Variants in LMLN observed in about 807,000 individuals in gnomAD.
The protein encoded by LMLN is leishmanolysin like peptidase, also known as leishmanolysin-like peptidase.
A neutral mutation model predicts 92.3 loss-of-function variants in LMLN; 70 were observed. The ratio of observed to expected loss-of-function variants is 0.76; its 90% confidence interval spans 0.63 to 0.92. The LOEUF is 0.92. LMLN is among the 40% of genes least tolerant of loss of function. The pLI, the probability that LMLN is intolerant of heterozygous loss-of-function variation, is 0.00. For missense variants in LMLN, 691 were observed against 814.6 expected (o/e 0.85, Z 1.85); for synonymous variants, 308 against 296.2 (o/e 1.04, Z -0.41).
Position 197,995,006 on chromosome 3 carries a change from C to T in LMLN, c.1048-1169C>T, listed in dbSNP as rs373052367. 3.3e-5 allele frequency among the ~76,000 whole-genome samples: 5 copies of T among 152,254 alleles called. No homozygotes were observed. The South Asian group carries it at 1.0e-3, about 32-fold the overall frequency. ...AAGAAAGTGTGTTATACACAATTGACCCTTGAACAACATAGGTTGGAACTG... is the reference window on the plus strand; with the variant it reads ...AAGAAAGTGTGTTATACACAATTGATCCTTGAACAACATAGGTTGGAACTG... On this transcript the variant is annotated intron_variant, in intron 9 of 15. Transcript: ENST00000330198.
chr3:197,987,574 A>G (rs1224030842), intron 8 of LMLN, among the ~76,000 whole-genome samples: 2 of 152,110 alleles, frequency 1.3e-5, no homozygotes, highest in African/African-American at 4.8e-5. Flanking sequence ...AATAAGCCAG[A>G]AAAAAAATGA....
chr3:198,041,269 A>G (rs1368634585), exon 16 of LMLN: 1 of 152,224 alleles, frequency 6.6e-6, no homozygotes, highest in East Asian at 1.9e-4. Context: ...CTTAACTAAA[A>G]AGAAGCTAAT....
At chr3:197,996,367 A>G in intron 10 of LMLN, 85 bp downstream of exon 10, 5 of 869,704 alleles carry the variant, frequency 5.7e-6, no homozygotes, top group Non-Finnish European at 8.7e-6. Flanking sequence ...CAGGTTATAA[A>G]CTGAAAAATG....
chr3:198,038,726 C>CA, exon 16 of LMLN: 1 of 1,385,110 alleles, frequency 7.2e-7, no homozygotes, highest in Non-Finnish European at 1.0e-6. Flanking sequence ...GAACAAAGCA[C>CA]AAAGTTTGAG....
intron 13 of LMLN, 94 bp from the exon 15 acceptor site, chr3:198,024,564 A>T: frequency 1.7e-6 from 2 of 1,179,042 alleles, no homozygotes; most frequent in African/African-American, 1.6e-5. Flanking sequence ...TCTGATTTTT[A>T]AAGCAACTTT....
intron 1 of LMLN, among the ~76,000 whole-genome samples, chr3:197,962,494 C>T (rs1001303844): frequency 2.6e-5 from 4 of 152,092 alleles, no homozygotes; most frequent in African/African-American, 9.7e-5. Flanking sequence ...TGGATAAATA[C>T]CTAGGGGTGA....
Position 198,019,338 on chromosome 3 carries a change from G to C in LMLN, c.1318G>C (p.Val440Leu). 2 of 1,614,150 alleles carry C rather than the reference G, an allele frequency of 1.2e-6. No homozygotes were observed. Among genetic ancestry groups the C allele is most frequent in the South Asian group, 2.2e-5 (2 of 91,074 alleles). Reference sequence around the variant, plus strand: ...CAGACAGGACCAGAGAGCAGTTGCCGTGTGTAATTTGCAGAAGTTCCCTAA... The same window carrying C: ...CAGACAGGACCAGAGAGCAGTTGCCCTGTGTAATTTGCAGAAGTTCCCTAA... Residue 440 changes from valine (V) to leucine (L), a missense_variant, in exon 12 of 16, where the codon GTG (valine) becomes CTG (leucine). Around this residue, in one of 4 missense-constraint regions of LMLN, gnomAD observed 352 missense variants for 443.6 expected, o/e 0.79. Coordinates refer to ENST00000330198, the Ensembl canonical transcript of LMLN. This position sits in a 1 kb window ranked among gnomAD's most constrained non-coding sequence, Gnocchi z 5.5.
exon 16 of LMLN, chr3:198,038,867 G>A: frequency 2.1e-6 from 1 of 466,886 alleles, no homozygotes. Flanking sequence ...ACCTTCATCA[G>A]CAACCCAACC....
intron 5 of LMLN, among the ~76,000 whole-genome samples, chr3:197,977,474 C>T (rs112616959): frequency 6.6e-6 from 1 of 151,208 alleles, no homozygotes; most frequent in African/African-American, 2.4e-5. Flanking sequence ...AGTACACACA[C>T]GTTAAATCTG....
chr3:197,962,079 C>G (rs1284979838), intron 1 of LMLN, among the ~76,000 whole-genome samples: 3 of 152,116 alleles, frequency 2.0e-5, no homozygotes. Flanking sequence ...GCATACAACC[C>G]ATCACAACAT....
At chr3:198,026,376 T>C (rs1416786311) in intron 14 of LMLN, among the ~76,000 whole-genome samples, 3 of 152,140 alleles carry the variant, frequency 2.0e-5, no homozygotes, top group Non-Finnish European at 4.4e-5. Context: ...TGGAGTGCAG[T>C]GGTGCGATCT....
chr3:197,962,867 C>T (rs1015071682), intron 1 of LMLN, among the ~76,000 whole-genome samples: 1 of 151,600 alleles, frequency 6.6e-6, no homozygotes, highest in African/African-American at 2.4e-5. Flanking sequence ...GTAAGCATTC[C>T]TGCTTTGTTC....
intron 1 of LMLN, among the ~76,000 whole-genome samples, chr3:197,963,204 T>C (rs1344110052): frequency 2.6e-5 from 4 of 151,498 alleles, no homozygotes; most frequent in Admixed American, 6.6e-5. Context: ...TCTCTCTCTT[T>C]TTTTTTTTTG....
Position 197,976,710 on chromosome 3 carries a change from CT to C in LMLN, c.545del (p.Leu182ProfsTer64). 6.7e-7 allele frequency: 1 copy of C among 1,487,614 alleles called. No homozygotes were observed. Among genetic ancestry groups the C allele is most frequent in the East Asian group, 2.4e-5 (1 of 42,128 alleles). 92.2% of individuals were successfully genotyped at this position (1,487,614 alleles called of 1,614,324 possible). ...CCCCGTTATTGTTCCTGAGGAACATCTCCAGGTATTTCACCCTGCTCTTGGC... is the reference window on the plus strand; with the variant it reads ...CCCCGTTATTGTTCCTGAGGAACATCCCAGGTATTTCACCCTGCTCTTGGC... On this transcript the variant is annotated frameshift_variant, in exon 5 of 16. Coordinates refer to ENST00000330198, the Ensembl canonical transcript of LMLN. LOFTEE classifies it high-confidence loss of function.
At chr3:198,043,074 G>A (rs144839556) in exon 16 of LMLN, 1 of 141,226 alleles carries the variant, frequency 7.1e-6, no homozygotes, top group African/African-American at 3.0e-5. Flanking sequence ...ATCTTATGAG[G>A]TTTAGTTTTA....
intron 11 of LMLN, among the ~76,000 whole-genome samples, chr3:198,000,286 T>A (rs1722135068): frequency 2.6e-5 from 4 of 152,252 alleles, no homozygotes. Context: ...TCTTACTCTT[T>A]CTAAGACAGT....
At chr3:198,001,657 C>T (rs1034735474) in intron 11 of LMLN, among the ~76,000 whole-genome samples, 23 of 152,072 alleles carry the variant, frequency 1.5e-4, no homozygotes, top group African/African-American at 5.1e-4. Context: ...ATTGGAGCAC[C>T]GCGACTCCTT....
At chr3:198,014,222 C>A (rs1722546774) in intron 11 of LMLN, among the ~76,000 whole-genome samples, 1 of 148,974 alleles carries the variant, frequency 6.7e-6, no homozygotes, top group Admixed American at 6.6e-5. Flanking sequence ...AGCCCCTTAA[C>A]TAGTCTGACT....
At chr3:197,997,159 C>G (rs1467677033) in intron 10 of LMLN, among the ~76,000 whole-genome samples, 1 of 150,422 alleles carries the variant, frequency 6.6e-6, no homozygotes, top group Non-Finnish European at 1.5e-5. Context: ...CTTTCTGTCT[C>G]ACTCCACTTG....
Sources: allele counts gnomAD v4.1 joint callset (sites outside exome capture counted in the v4.1 genomes callset), GRCh38; gene constraint gnomAD v4.1.1; regional missense constraint gnomAD v4.1.1; non-coding constraint Gnocchi (gnomAD v3.1); transcripts MANE v1.5; gene names NCBI Gene and HGNC (gene_info 2026-07-23, HGNC 2026-07-21).